Variants in RAB7A observed in about 807,000 individuals in gnomAD.
The protein encoded by RAB7A is RAB7A, member RAS oncogene family, also known as ras-related protein Rab-7a.
A neutral mutation model predicts 24.5 loss-of-function variants in RAB7A; 2 were observed. The observed-to-expected ratio is 0.08, with a 90% CI of 0.03 to 0.26. RAB7A has a LOEUF of 0.26. Ranked by LOEUF, RAB7A falls within the 10% of genes least tolerant of loss-of-function variation. The pLI is 1.00. For synonymous variants in RAB7A, 100 were observed against 95.9 expected (o/e 1.04, Z -0.25); for missense variants, 118 against 255.7 (o/e 0.46, Z 3.67).
At chr3:128,813,006 T>C (rs965698006) in intron 5 of RAB7A, among the ~76,000 whole-genome samples, 1 of 152,220 alleles carries the variant, frequency 6.6e-6, no homozygotes, top group Admixed American at 6.5e-5. Context: ...GTGGTAGAGC[T>C]CCCAGATCAT....
chr3:128,757,662 T>C (rs2070741191), intron 1 of RAB7A, among the ~76,000 whole-genome samples: 1 of 151,662 alleles, frequency 6.6e-6, no homozygotes, highest in Non-Finnish European at 1.5e-5. Context: ...GGACTACAGG[T>C]GCCCACCACC....
At chr3:128,734,372 A>G (rs116772388) in intron 1 of RAB7A, among the ~76,000 whole-genome samples, 6,217 of 149,232 alleles carry the variant, frequency 0.042, 175 homozygotes, top group Non-Finnish European at 0.058. Flanking sequence ...TGGATGTTGC[A>G]TGAGAATCGC....
chr3:128,729,283 G>GTC (rs2070410187), intron 1 of RAB7A, among the ~76,000 whole-genome samples: 1 of 152,040 alleles, frequency 6.6e-6, no homozygotes, highest in Non-Finnish European at 1.5e-5. Context: ...CTTTTAATAT[G>GTC]TCTTCAGCTG....
chr3:128,774,488 G>A (rs1308349520), intron 1 of RAB7A, among the ~76,000 whole-genome samples: 3 of 151,720 alleles, frequency 2.0e-5, no homozygotes, highest in Non-Finnish European at 4.4e-5. Flanking sequence ...CAGAAACAGA[G>A]TTTTGCTCTG....
intron 1 of RAB7A, among the ~76,000 whole-genome samples, chr3:128,782,619 T>C (rs1031748977): frequency 3.6e-5 from 5 of 140,320 alleles, no homozygotes; most frequent in African/African-American, 1.3e-4. Flanking sequence ...TTGTCCATAG[T>C]AGGCTCTAGT....
Position 128,798,011 on chromosome 3 carries a change from T to C in RAB7A, c.122T>C (p.Ile41Thr). The change falls in exon 3 of 6, where the codon ATA (isoleucine) becomes ACA (threonine). Residue 41 changes from isoleucine to threonine, a missense_variant. Transcript: ENST00000265062. ...TTCAGCAATCAGTACAAAGCCACAA[T>C]AGGAGCTGACTTTCTGACCAAGGAG... ...KKFSNQYKATIGADFLTKEVM... is the reference protein window; with the variant it reads ...KKFSNQYKATTGADFLTKEVM... The C allele has an allele frequency of 6.2e-7, 1 of 1,613,860 alleles. No individual in the cohort carries two copies. Among genetic ancestry groups the C allele is most frequent in the Non-Finnish European group, 8.5e-7 (1 of 1,179,774 alleles).
intron 1 of RAB7A, among the ~76,000 whole-genome samples, chr3:128,763,208 ATTTTT>A (rs1174944964): frequency 1.2e-4 from 9 of 76,058 alleles, no homozygotes; most frequent in African/African-American, 5.7e-4. Flanking sequence ...ATATATATAT[ATTTTT>A]TTTTTTTTTT....
At chr3:128,743,387 C>T (rs1259662075) in intron 1 of RAB7A, among the ~76,000 whole-genome samples, 2 of 152,248 alleles carry the variant, frequency 1.3e-5, no homozygotes, top group African/African-American at 4.8e-5. Context: ...CAGCAGCAGG[C>T]TGAAGGGGTC....
At chr3:128,737,674 G>T (rs868511260) in intron 1 of RAB7A, among the ~76,000 whole-genome samples, 48 of 149,238 alleles carry the variant, frequency 3.2e-4, no homozygotes, top group Non-Finnish European at 5.9e-4. Context: ...TTGAGACAGG[G>T]TCTCACTCTG....
intron 1 of RAB7A, among the ~76,000 whole-genome samples, chr3:128,767,508 A>G (rs1014443755): frequency 5.3e-5 from 8 of 152,184 alleles, no homozygotes; most frequent in South Asian, 2.1e-4. Flanking sequence ...TAATGATGCA[A>G]CTAGGATTGT....
chr3:128,772,185 A>G (rs1932960690), intron 1 of RAB7A, among the ~76,000 whole-genome samples: 1 of 152,244 alleles, frequency 6.6e-6, no homozygotes, highest in African/African-American at 2.4e-5. Context: ...AAGGATTATC[A>G]AGACAGTTCA....
At chr3:128,773,418 G>A (rs1332801099) in intron 1 of RAB7A, among the ~76,000 whole-genome samples, 2 of 151,310 alleles carry the variant, frequency 1.3e-5, no homozygotes, top group Non-Finnish European at 3.0e-5. Flanking sequence ...CCGTCCGGGA[G>A]GGAGGTGGGG....
chr3:128,794,928 A>G (rs1933534159), intron 1 of RAB7A, among the ~76,000 whole-genome samples: 1 of 152,048 alleles, frequency 6.6e-6, no homozygotes, highest in South Asian at 2.1e-4. Flanking sequence ...TCTGAAGGAA[A>G]AGCAAGCAGA....
In RAB7A at chr3:128,772,169, A is replaced by G. The variant is rs1932960244; in HGVS notation, c.-8-23191A>G. Among the ~76,000 whole-genome samples, 2 of 152,232 alleles carry G rather than the reference A, an allele frequency of 1.3e-5. 1 individual carries two copies. Among genetic ancestry groups the G allele is most frequent in the Non-Finnish European group, 2.9e-5 (2 of 68,040 alleles). On this transcript the variant is annotated intron_variant, in intron 1 of 5. Transcript: ENST00000265062. ...CGAAATGAACACAACTGGCTTTTCC[A>G]CAGGGAAGGATTATCAAGACAGTTC...
chr3:128,771,313 T>TG (rs951992009), intron 1 of RAB7A, among the ~76,000 whole-genome samples: 1 of 152,148 alleles, frequency 6.6e-6, no homozygotes, highest in Non-Finnish European at 1.5e-5. Flanking sequence ...TTCCTCAGTT[T>TG]GGGGGGCTCA....
chr3:128,734,976 A>G (rs2070477316), intron 1 of RAB7A, among the ~76,000 whole-genome samples: 1 of 152,190 alleles, frequency 6.6e-6, no homozygotes, highest in South Asian at 2.1e-4. Flanking sequence ...TTTTCAGAGT[A>G]AGTTACCGTT....
At position 128,732,954 on chromosome 3, in the gene RAB7A, G is replaced by T. The variant is rs148238090; in HGVS notation, c.-9+6595G>T. Among the ~76,000 whole-genome samples, 33 of 152,338 alleles carry T rather than the reference G, an allele frequency of 2.2e-4. 1 individual carries two copies. Among genetic ancestry groups the T allele is most frequent in the African/African-American group, 7.2e-4 (30 of 41,586 alleles). On this transcript the variant is annotated intron_variant, in intron 1 of 5. Coordinates refer to ENST00000265062, the MANE Select transcript of RAB7A (RefSeq NM_004637.6). Reference sequence around the variant, plus strand: ...AGACACTGAATGATGAGAAGCTGGGGATCATAGGAATAGCTGTATTTTTCA... The same window carrying T: ...AGACACTGAATGATGAGAAGCTGGGTATCATAGGAATAGCTGTATTTTTCA...
At chr3:128,807,817 A>T in intron 5 of RAB7A, 146 bp downstream of exon 5, 1 of 1,244,104 alleles carries the variant, frequency 8.0e-7, no homozygotes, top group Non-Finnish European at 1.1e-6. Context: ...TGGGAAGGTT[A>T]TGACATGTTC....
chr3:128,805,845 T>C (rs966077094), intron 3 of RAB7A, among the ~76,000 whole-genome samples: 4 of 152,078 alleles, frequency 2.6e-5, no homozygotes, highest in Admixed American at 2.6e-4. Context: ...AGAGACAGGG[T>C]TTCTCCATGT....
Sources: gnomAD v4.1 joint callset for allele counts (sites outside exome capture counted in the v4.1 genomes callset) on GRCh38, gnomAD v4.1.1 for gene constraint, MANE v1.5 for transcripts, NCBI Gene and HGNC (gene_info 2026-07-23, HGNC 2026-07-21) for gene names.